The following BCL11A variants were observed in gnomAD, a reference collection of about 807,000 sequenced individuals.
BCL11A encodes the protein B cell CLL/lymphoma 11A.
BCL11A carries 2 observed loss-of-function variants against 55.9 expected under a neutral mutation model. The observed-to-expected ratio is 0.04, with a 90% CI of 0.01 to 0.11. The LOEUF (loss-of-function observed/expected upper bound fraction) is 0.11, where lower values mean the gene tolerates loss of function less well. BCL11A is among the 10% of genes least tolerant of loss of function. BCL11A has a pLI of 1.00. For synonymous variants in BCL11A, 465 were observed against 473.4 expected (o/e 0.98, Z 0.23); for missense variants, 817 against 1,137.1 (o/e 0.72, Z 4.05).
intron 2 of BCL11A, among the ~76,000 whole-genome samples, chr2:60,505,518 T>C (rs1679537039): frequency 6.6e-6 from 1 of 152,192 alleles, no homozygotes; most frequent in African/African-American, 2.4e-5. Context: ...GTCCTTCCCT[T>C]AGGGGCCAAA....
intron 2 of BCL11A, among the ~76,000 whole-genome samples, chr2:60,516,128 TG>T (rs1341054846): frequency 6.6e-6 from 1 of 152,222 alleles, no homozygotes; most frequent in Non-Finnish European, 1.5e-5. Context: ...ATGCCAGCTT[TG>T]GGTGCTCTAA....
rs914004336 is a variant in BCL11A, at chr2:60,525,226, G to A, written c.385+20745C>T. The A allele has an allele frequency of 8.5e-5, 13 of 152,240 alleles. No homozygotes were observed. The East Asian group carries it at 1.3e-3, about 16-fold the overall frequency. 9.4% of individuals were successfully genotyped at this position (152,240 alleles called of 1,614,324 possible). ...ATTCAACTATTTCTTTTTCAAAAAC[G>A]TACTTCTATTTTGATGTAGTTACAT... On this transcript the variant is annotated intron_variant, in intron 2 of 3. Transcript: ENST00000642384.
At chr2:60,471,707 TGGC>T (rs745782678) in intron 2 of BCL11A, among the ~76,000 whole-genome samples, 3 of 152,334 alleles carry the variant, frequency 2.0e-5, no homozygotes, top group South Asian at 2.1e-4. Context: ...CTCTGGTTGC[TGGC>T]TAGGAAGTGG....
chr2:60,526,080 G>A (rs151113864), intron 2 of BCL11A: 42 of 152,252 alleles, frequency 2.8e-4, no homozygotes, highest in African/African-American at 9.4e-4. Flanking sequence ...ACCACAGTAG[G>A]TTTTTTCTAT....
rs1676091738 is a variant in BCL11A, at chr2:60,459,112, C to A, written c.*1292G>T. 1 of 1,020,654 alleles carries A rather than the reference C, an allele frequency of 9.8e-7. No individual in the cohort carries two copies. The highest frequency in any genetic ancestry group is 6.4e-5 in the East Asian group (1 of 15,548). The allele number at this position is 1,020,654 out of a possible 1,614,324, so 63.2% of individuals were successfully genotyped here. ...TTCTAGTTTTAAATGGCAAATAGTA[C>A]CACGTTGTGCTAATAAATCATATTA... On this transcript the variant is annotated 3_prime_UTR_variant, in exon 4 of 4. Coordinates refer to ENST00000642384, the MANE Select transcript of BCL11A (RefSeq NM_022893.4).
At chr2:60,467,138 T>TTGG (rs1676688985) in intron 3 of BCL11A, among the ~76,000 whole-genome samples, 1 of 61,754 alleles carries the variant, frequency 1.6e-5, no homozygotes, top group African/African-American at 6.3e-5. Flanking sequence ...GATGGTGGTG[T>TTGG]TGGTGGTGAT....
At chr2:60,552,354 C>A (rs1312403512) in intron 1 of BCL11A, among the ~76,000 whole-genome samples, 1 of 152,062 alleles carries the variant, frequency 6.6e-6, no homozygotes, top group Non-Finnish European at 1.5e-5. Flanking sequence ...GGCAGCAGTC[C>A]GGGCTCCCTC....
At chr2:60,515,688 G>C (rs1168929280) in intron 2 of BCL11A, among the ~76,000 whole-genome samples, 1 of 152,200 alleles carries the variant, frequency 6.6e-6, no homozygotes, top group African/African-American at 2.4e-5. Flanking sequence ...ACACAGCCCA[G>C]TGCTTTCAGG....
At chr2:60,545,469 T>C (rs943775178) in intron 2 of BCL11A, 4 of 158,696 alleles carry the variant, frequency 2.5e-5, no homozygotes, top group Non-Finnish European at 5.6e-5. Flanking sequence ...TTCCACCACC[T>C]CCAACTACCC....
At chr2:60,496,867 G>C (rs1678978550) in intron 2 of BCL11A, among the ~76,000 whole-genome samples, 1 of 152,066 alleles carries the variant, frequency 6.6e-6, no homozygotes, top group African/African-American at 2.4e-5. Context: ...ACAGTCATAG[G>C]CCTGAAAAGC....
At chr2:60,481,492 A>G (rs1051804368) in intron 2 of BCL11A, among the ~76,000 whole-genome samples, 1 of 152,092 alleles carries the variant, frequency 6.6e-6, no homozygotes, top group Non-Finnish European at 1.5e-5. Flanking sequence ...AGGGTCACCC[A>G]GGGCTAGAAC....
Position 60,457,952 on chromosome 2 carries a change from CTT to C in BCL11A, c.*2450_*2451del, listed in dbSNP as rs373340401. 1,342 of 891,526 alleles carry C rather than the reference CTT, an allele frequency of 1.5e-3. No individual in the cohort carries two copies. Among genetic ancestry groups the C allele is most frequent in the East Asian group, 5.5e-3 (80 of 14,476 alleles). 55.2% of individuals were successfully genotyped at this position (891,526 alleles called of 1,614,324 possible). On this transcript the variant is annotated 3_prime_UTR_variant, in exon 4 of 4. Coordinates refer to ENST00000642384, the MANE Select transcript of BCL11A (RefSeq NM_022893.4). Reference sequence around the variant, plus strand: ...TAATGTCACACTTTTTTGTTTCTCTCTTTTTTTTTTTTTTGAAGCATACAAAT... The same window carrying C: ...TAATGTCACACTTTTTTGTTTCTCTCTTTTTTTTTTTTGAAGCATACAAAT...
At chr2:60,454,961 A>C (rs757535440), downstream of BCL11A, among the ~76,000 whole-genome samples, 3 of 152,242 alleles carry the variant, frequency 2.0e-5, no homozygotes, top group Non-Finnish European at 2.9e-5. Context: ...TGCCATGGCC[A>C]GTGCAAATGA....
intron 2 of BCL11A, among the ~76,000 whole-genome samples, chr2:60,493,359 A>T (rs1229651283): frequency 6.6e-6 from 1 of 152,160 alleles, no homozygotes; most frequent in East Asian, 1.9e-4. Context: ...AACACAGAAA[A>T]GGTTTTGAGT....
chr2:60,466,385 GA>G (rs1334151091), intron 3 of BCL11A, among the ~76,000 whole-genome samples: 5 of 152,050 alleles, frequency 3.3e-5, no homozygotes, highest in Non-Finnish European at 2.9e-5. Context: ...CCAGCAACAG[GA>G]GAGCTCTCCC....
At chr2:60,467,270 G>A (rs1302443698) in intron 3 of BCL11A, among the ~76,000 whole-genome samples, 31 of 77,624 alleles carry the variant, frequency 4.0e-4, no homozygotes, top group East Asian at 2.3e-3. Flanking sequence ...GGTGGTGATG[G>A]TGGTGGTGGT....
chr2:60,456,503 G>A (rs192043087), downstream of BCL11A, among the ~76,000 whole-genome samples: 42 of 152,276 alleles, frequency 2.8e-4, no homozygotes, highest in East Asian at 7.3e-3. Flanking sequence ...TGGGATCTCA[G>A]AACCACAAGG....
intron 3 of BCL11A, among the ~76,000 whole-genome samples, chr2:60,463,907 T>A (rs1300278600): frequency 7.3e-6 from 1 of 137,006 alleles, no homozygotes; most frequent in Non-Finnish European, 1.6e-5. Context: ...TATTTGTCAG[T>A]AACTTTCTAA....
rs113962783 is a variant in BCL11A at position 60,457,378 on chromosome 2, T to A, written c.*3026A>T. On this transcript the variant is annotated 3_prime_UTR_variant, in exon 4 of 4. Coordinates refer to ENST00000642384, the MANE Select transcript of BCL11A (RefSeq NM_022893.4). ...TTGGTCATCTAAATAAAAAAAAAAATAAAAACAAAGAAAAATAAAAGATCA... is the reference window on the plus strand; with the variant it reads ...TTGGTCATCTAAATAAAAAAAAAAAAAAAAACAAAGAAAAATAAAAGATCA... The A allele has an allele frequency of 4.1e-5, 42 of 1,013,826 alleles. No individual in the cohort carries two copies. Among genetic ancestry groups the A allele is most frequent in the Middle Eastern group, 4.6e-4 (1 of 2,172 alleles). 62.8% of individuals were successfully genotyped at this position (1,013,826 alleles called of 1,614,324 possible).
Sources: allele counts gnomAD v4.1 joint callset (sites outside exome capture counted in the v4.1 genomes callset), GRCh38; gene constraint gnomAD v4.1.1; transcripts MANE v1.5; gene names NCBI Gene and HGNC (gene_info 2026-07-23, HGNC 2026-07-21).